FBXW7: variants seen among roughly 807,000 people sequenced by gnomAD.
FBXW7 encodes F-box and WD repeat domain containing 7.
FBXW7 carries 11 observed loss-of-function variants against 86.3 expected under a neutral mutation model. That is an observed-to-expected ratio of 0.13 (90% CI 0.08 to 0.21). The LOEUF (loss-of-function observed/expected upper bound fraction) is 0.21. FBXW7 is among the 10% of genes least tolerant of loss of function. FBXW7 has a pLI of 1.00. For synonymous variants in FBXW7, 313 were observed against 297.9 expected, an observed-to-expected ratio of 1.05 and a Z score of -0.52; for missense variants, 488 against 847.4, an observed-to-expected ratio of 0.58 and a Z score of 5.27.
chr4:152,440,948 A>G (rs1381775925), intron 2 of FBXW7, among the ~76,000 whole-genome samples: 2 of 151,166 alleles, frequency 1.3e-5, no homozygotes, highest in South Asian at 2.1e-4. Flanking sequence ...TTTTTTTTCA[A>G]TAACGTTCAC....
intron 2 of FBXW7, among the ~76,000 whole-genome samples, chr4:152,427,768 A>T (rs1739519475): frequency 6.6e-6 from 1 of 152,248 alleles, no homozygotes; most frequent in African/African-American, 2.4e-5. Flanking sequence ...TTAGAAATCA[A>T]AACTAACAAA....
chr4:152,489,318 T>C lies in FBXW7; in HGVS notation c.-120+45623A>G, dbSNP rs557555329. ...GTGTATGGTGCTCAGTTCTGTTTTT[T>C]AGAAAAGTCACTCCTGAACTACCTG... On this transcript the variant is annotated intron_variant, in intron 2 of 13. Transcript: ENST00000281708. 1.7e-4 allele frequency: 27 copies of C among 154,564 alleles called. No individual in the cohort carries two copies. In the East Asian group the frequency reaches 4.8e-3, roughly 28 times the overall value. The allele number at this position is 154,564 out of a possible 1,614,324, so 9.6% of individuals were successfully genotyped here.
In FBXW7 at chr4:152,385,582, T is replaced by TA. The variant is rs200871258; in HGVS notation, c.501+25720dup. Among the ~76,000 whole-genome samples, 17 of 152,168 alleles carry TA rather than the reference T, an allele frequency of 1.1e-4. No individual in the cohort carries two copies. In the East Asian group the frequency reaches 3.1e-3, roughly 28 times the overall value. On this transcript the variant is annotated intron_variant, in intron 4 of 13. Transcript: ENST00000281708. ...TAGTTTCTAAGAGACCAAAAGTTAC[T>TA]ATGAAGTAAAGCTAGGCTTTTCATT...
At chr4:152,509,972 G>A (rs1269046727) in intron 2 of FBXW7, among the ~76,000 whole-genome samples, 2 of 151,882 alleles carry the variant, frequency 1.3e-5, no homozygotes, top group Non-Finnish European at 3.0e-5. Context: ...ATTGAGCTGC[G>A]ATTAAAACTG....
chr4:152,479,485 A>G (rs1040371825), intron 2 of FBXW7, among the ~76,000 whole-genome samples: 13 of 152,070 alleles, frequency 8.5e-5, no homozygotes, highest in African/African-American at 2.9e-4. Flanking sequence ...GCACACACAC[A>G]TATCTTTTTC....
chr4:152,378,585 A>G (rs181847986), intron 4 of FBXW7, among the ~76,000 whole-genome samples: 1 of 152,228 alleles, frequency 6.6e-6, no homozygotes, highest in Non-Finnish European at 1.5e-5. Flanking sequence ...GGAAATTTCT[A>G]CTAAAATAGT....
intron 2 of FBXW7, among the ~76,000 whole-genome samples, chr4:152,526,291 T>C (rs1749507342): frequency 6.6e-6 from 1 of 152,200 alleles, no homozygotes; most frequent in South Asian, 2.1e-4. Flanking sequence ...TATACAGTTC[T>C]ATTCAATAAA....
chr4:152,396,307 C>T (rs1199965897), intron 4 of FBXW7, among the ~76,000 whole-genome samples: 1 of 151,900 alleles, frequency 6.6e-6, no homozygotes, highest in Non-Finnish European at 1.5e-5. Context: ...TCCCATTAAC[C>T]CTTTTAAAAT....
At chr4:152,474,093 T>C (rs1282145224) in intron 2 of FBXW7, among the ~76,000 whole-genome samples, 1 of 152,090 alleles carries the variant, frequency 6.6e-6, no homozygotes, top group Non-Finnish European at 1.5e-5. Flanking sequence ...ACAGATCCCA[T>C]CCCAAACCTA....
At chr4:152,343,386 T>C (rs1333622336) in intron 6 of FBXW7, among the ~76,000 whole-genome samples, 1 of 152,166 alleles carries the variant, frequency 6.6e-6, no homozygotes, top group East Asian at 1.9e-4. Flanking sequence ...GGGAAGAAAC[T>C]AACATTTATT....
chr4:152,535,796 C>A lies in FBXW7; in HGVS notation c.-882G>T, dbSNP rs1287254015. The A allele has an allele frequency of 7.6e-6, 3 of 394,324 alleles. No individual in the cohort carries two copies. The highest frequency in any genetic ancestry group is 1.3e-5 in the Non-Finnish European group (3 of 223,518). The allele number at this position is 394,324 out of a possible 1,614,324, so 24.4% of individuals were successfully genotyped here. A position where few individuals can be genotyped will look rare whatever the true frequency, so the allele number is the denominator to read the frequency against. On this transcript the variant is annotated 5_prime_UTR_variant, in exon 1 of 14. Transcript: ENST00000281708. Reference sequence around the variant, plus strand: ...CCCGTGGTAGCCGCCTCCCTGCCCCCCAAGCCGCCGGCTCCGGCTCAGGCT... The same window carrying A: ...CCCGTGGTAGCCGCCTCCCTGCCCCACAAGCCGCCGGCTCCGGCTCAGGCT...
intron 2 of FBXW7, among the ~76,000 whole-genome samples, chr4:152,528,464 C>T (rs76831656): frequency 0.014 from 2,086 of 152,262 alleles, 26 homozygotes; most frequent in Middle Eastern, 0.038. Flanking sequence ...TTCTTATAAG[C>T]CTTCTGCTTT....
chr4:152,488,666 A>G (rs935651608), intron 2 of FBXW7, among the ~76,000 whole-genome samples: 1 of 151,230 alleles, frequency 6.6e-6, no homozygotes, highest in African/African-American at 2.5e-5. Context: ...CTTAAAAAAT[A>G]TTCGCTCCAA....
Position 152,332,587 on chromosome 4 carries a change from G to T in FBXW7, c.985+9C>A, listed in dbSNP as rs2126547413. ...ATAAACATATTCTCTATGCAATTTT[G>T]AACCTTACCCTCTTCTTTGCATTTC... On this transcript the variant is annotated intron_variant, in intron 8 of 13. Coordinates refer to ENST00000281708, the MANE Select transcript of FBXW7 (RefSeq NM_001349798.2). 6.4e-7 allele frequency: 1 copy of T among 1,564,496 alleles called. No homozygotes were observed.
intron 2 of FBXW7, among the ~76,000 whole-genome samples, chr4:152,473,673 T>C (rs1381726330): frequency 6.6e-6 from 1 of 152,006 alleles, no homozygotes; most frequent in Admixed American, 6.6e-5. Context: ...CCATAGAAAC[T>C]GGGTCTTGTT....
intron 4 of FBXW7, among the ~76,000 whole-genome samples, chr4:152,358,182 A>G (rs1484830826): frequency 6.6e-6 from 1 of 152,130 alleles, no homozygotes; most frequent in African/African-American, 2.4e-5. Context: ...ATATCATGGA[A>G]AAAAAGTATA....
chr4:152,514,351 T>C (rs1403396591), intron 2 of FBXW7, among the ~76,000 whole-genome samples: 2 of 152,154 alleles, frequency 1.3e-5, no homozygotes, highest in South Asian at 2.1e-4. Context: ...AAGTGATAAA[T>C]ATAAGAACTG....
chr4:152,387,009 T>G (rs148381537), intron 4 of FBXW7, among the ~76,000 whole-genome samples: 1 of 152,148 alleles, frequency 6.6e-6, no homozygotes, highest in African/African-American at 2.4e-5. Context: ...GGCTAGAAAT[T>G]TAACTGCTCC....
chr4:152,346,637 A>AC, intron 6 of FBXW7, among the ~76,000 whole-genome samples: 1 of 152,100 alleles, frequency 6.6e-6, no homozygotes, highest in South Asian at 2.1e-4. Context: ...CACTTCCATC[A>AC]CCCCAAAAGG....
Sources: allele counts gnomAD v4.1 joint callset (sites outside exome capture counted in the v4.1 genomes callset), GRCh38; gene constraint gnomAD v4.1.1; transcripts MANE v1.5; gene names NCBI Gene and HGNC (gene_info 2026-07-23, HGNC 2026-07-21).